PTPRD: variants seen among roughly 807,000 people sequenced by gnomAD.
PTPRD encodes receptor-type tyrosine-protein phosphatase delta.
In PTPRD, 34 loss-of-function variants were observed where a neutral mutation model predicts 214.5. The observed-to-expected ratio is 0.16, with a 90% CI of 0.12 to 0.21. The LOEUF is 0.21. Among genes scored for constraint, PTPRD ranks in the 10% least tolerant of loss-of-function variants. The pLI, the probability that PTPRD is intolerant of heterozygous loss-of-function variation, is 1.00. For missense variants in PTPRD, 2,545 were observed against 2,398.7 expected, an observed-to-expected ratio of 1.06 and a Z score of -1.27; for synonymous variants, 1,128 against 845.7, an observed-to-expected ratio of 1.33 and a Z score of -5.79.
rs151000768 is a variant in PTPRD, at chr9:9,809,424, C to T, written c.-367-42573G>A. On this transcript the variant is annotated intron_variant, in intron 5 of 45. Coordinates refer to ENST00000381196, the MANE Select transcript of PTPRD (RefSeq NM_002839.4). The stretch of plus-strand genomic sequence containing the variant: ...CTGGGACTACAGGTGCCCACCACCA[C>T]GCCTGGCTAATTTTTTGTATTTTTA... 7.2e-3 allele frequency among the ~76,000 whole-genome samples: 1,095 copies of T among 151,904 alleles called. 13 individuals are homozygous for T. The highest frequency in any genetic ancestry group is 0.021 in the African/African-American group (881 of 41,436).
intron 44 of PTPRD, 86 bp from the exon 45 acceptor site, chr9:8,320,052 G>A (rs2130737108): frequency 1.3e-6 from 2 of 1,490,356 alleles, no homozygotes; most frequent in East Asian, 2.3e-5. Flanking sequence ...ACTTCTACCA[G>A]CTTCCACACT....
intron 4 of PTPRD, among the ~76,000 whole-genome samples, chr9:10,006,895 G>C (rs1460290461): frequency 2.6e-5 from 4 of 151,702 alleles, no homozygotes; most frequent in Admixed American, 1.3e-4. Flanking sequence ...TTTACATTTT[G>C]ACTTTCAATA....
At chr9:10,352,635 A>G (rs1184308283) in intron 2 of PTPRD, among the ~76,000 whole-genome samples, 1 of 152,004 alleles carries the variant, frequency 6.6e-6, no homozygotes, top group Non-Finnish European at 1.5e-5. Context: ...TAGGTAATTG[A>G]ATGTATTGCT....
chr9:9,023,552 T>C (rs2099576588), intron 10 of PTPRD, among the ~76,000 whole-genome samples: 1 of 152,184 alleles, frequency 6.6e-6, no homozygotes, highest in Admixed American at 6.6e-5. Context: ...ATTTCAACTT[T>C]TATTTTAGAT....
At position 9,657,439 on chromosome 9, in the gene PTPRD, C is replaced by T. The variant is rs1420183135; in HGVS notation, c.-287+77094G>A. On this transcript the variant is annotated intron_variant, in intron 7 of 45. Coordinates refer to ENST00000381196, the MANE Select transcript of PTPRD (RefSeq NM_002839.4). ...GACACAGGGAGGAGAACATCACACACCGGGGGCCTGTCGAGGGTTGGGAGG... is the reference window on the plus strand; with the variant it reads ...GACACAGGGAGGAGAACATCACACATCGGGGGCCTGTCGAGGGTTGGGAGG... 2.6e-5 allele frequency among the ~76,000 whole-genome samples: 4 copies of T among 152,084 alleles called. No homozygotes were observed. The East Asian group carries it at 7.7e-4, about 29-fold the overall frequency.
chr9:9,419,274 A>G (rs2077971400), intron 8 of PTPRD, among the ~76,000 whole-genome samples: 1 of 146,816 alleles, frequency 6.8e-6, no homozygotes. Flanking sequence ...AGAATAATAT[A>G]TTCAGATAAT....
chr9:8,552,411 G>C (rs1026858124), intron 14 of PTPRD, among the ~76,000 whole-genome samples: 1 of 152,070 alleles, frequency 6.6e-6, no homozygotes, highest in Non-Finnish European at 1.5e-5. Context: ...TTTTGGATTT[G>C]GTATCCACTT....
intron 39 of PTPRD, among the ~76,000 whole-genome samples, chr9:8,373,917 C>CTATCTATCTAT (rs2082415992): frequency 1.0e-5 from 1 of 95,746 alleles, no homozygotes. Context: ...TATCTATCTA[C>CTATCTATCTAT]CTACCTACCT....
chr9:9,254,513 C>T (rs528878372), intron 9 of PTPRD, among the ~76,000 whole-genome samples: 63 of 152,062 alleles, frequency 4.1e-4, no homozygotes, highest in Non-Finnish European at 6.6e-4. Context: ...TGATTTTTAA[C>T]ATGAAGGATG....
At chr9:8,379,932 G>C (rs1278679259) in intron 37 of PTPRD, among the ~76,000 whole-genome samples, 1 of 152,124 alleles carries the variant, frequency 6.6e-6, no homozygotes, top group Admixed American at 6.6e-5. Context: ...CGCCTCATCT[G>C]TGAAATGGGA....
At chr9:9,903,819 T>C (rs1439254957) in intron 5 of PTPRD, among the ~76,000 whole-genome samples, 1 of 152,146 alleles carries the variant, frequency 6.6e-6, no homozygotes, top group Admixed American at 6.6e-5. Context: ...AGCACCATCA[T>C]GACTATGCAT....
intron 39 of PTPRD, among the ~76,000 whole-genome samples, chr9:8,356,780 G>A (rs966674414): frequency 6.6e-6 from 1 of 151,976 alleles, no homozygotes; most frequent in Non-Finnish European, 1.5e-5. Flanking sequence ...ATAAACACAG[G>A]CAGGAAAAAA....
intron 2 of PTPRD, among the ~76,000 whole-genome samples, chr9:10,370,511 T>G (rs1356583136): frequency 6.6e-6 from 1 of 152,094 alleles, no homozygotes; most frequent in East Asian, 1.9e-4. Context: ...TCTACATGTT[T>G]GGCCTTGGGA....
At chr9:10,425,779 T>G (rs2098607975) in intron 2 of PTPRD, among the ~76,000 whole-genome samples, 1 of 151,974 alleles carries the variant, frequency 6.6e-6, no homozygotes, top group South Asian at 2.1e-4. Flanking sequence ...CAAGAAGGTG[T>G]AAAAATTTTA....
At chr9:10,307,436 T>C (rs578129736) in intron 3 of PTPRD, among the ~76,000 whole-genome samples, 1 of 152,094 alleles carries the variant, frequency 6.6e-6, no homozygotes, top group East Asian at 1.9e-4. Flanking sequence ...TAGTATTCCA[T>C]CATGTTTTCT....
chr9:9,423,896 A>G (rs572171956), intron 8 of PTPRD, among the ~76,000 whole-genome samples: 33 of 152,312 alleles, frequency 2.2e-4, no homozygotes, highest in Admixed American at 2.0e-3. Context: ...AAACAATGAA[A>G]AGGTCTAACA....
intron 8 of PTPRD, among the ~76,000 whole-genome samples, chr9:9,420,506 C>G (rs567233377): frequency 2.0e-4 from 31 of 151,744 alleles, no homozygotes; most frequent in African/African-American, 7.0e-4. Flanking sequence ...ACACTGTAAT[C>G]GGGGAATACA....
chr9:10,225,750 T>C (rs2099586836), intron 3 of PTPRD, among the ~76,000 whole-genome samples: 1 of 152,062 alleles, frequency 6.6e-6, no homozygotes, highest in Non-Finnish European at 1.5e-5. Context: ...TACTTAAAAA[T>C]TAAATGAATC....
At chr9:8,468,134 G>C (rs1428107724) in intron 31 of PTPRD, among the ~76,000 whole-genome samples, 2 of 151,934 alleles carry the variant, frequency 1.3e-5, no homozygotes, top group Admixed American at 6.6e-5. Flanking sequence ...TAAAATATTT[G>C]AGCTTTTGGG....
Sources: gnomAD v4.1 joint callset for allele counts (sites outside exome capture counted in the v4.1 genomes callset) on GRCh38, gnomAD v4.1.1 for gene constraint, MANE v1.5 for transcripts, NCBI Gene and HGNC (gene_info 2026-07-23, HGNC 2026-07-21) for gene names.